PTPRM: variants seen among roughly 807,000 people sequenced by gnomAD.
PTPRM encodes receptor-type tyrosine-protein phosphatase mu.
A neutral mutation model predicts 186.7 loss-of-function variants in PTPRM; 47 were observed. The ratio of observed to expected loss-of-function variants is 0.25; its 90% CI spans 0.20 to 0.32. The LOEUF (loss-of-function observed/expected upper bound fraction) is 0.32. Among genes scored for constraint, PTPRM ranks in the 10% least tolerant of loss-of-function variants. The pLI is 1.00. For missense variants in PTPRM, 1,494 were observed against 1,865.0 expected (o/e 0.80, Z 3.66); for synonymous variants, 668 against 674.9 (o/e 0.99, Z 0.16).
intron 2 of PTPRM, among the ~76,000 whole-genome samples, chr18:7,802,553 C>A (rs1212561386): frequency 6.6e-6 from 1 of 152,038 alleles, no homozygotes; most frequent in African/African-American, 2.4e-5. Flanking sequence ...TTTATTTCTG[C>A]CCTGTTTTCT....
chr18:8,278,925 G>A (rs1375391949), intron 19 of PTPRM, among the ~76,000 whole-genome samples: 1 of 152,044 alleles, frequency 6.6e-6, no homozygotes, highest in Non-Finnish European at 1.5e-5. Context: ...CTGCCTCTTT[G>A]AAAGCATGTC....
At chr18:7,579,026 T>C (rs2036774126) in intron 1 of PTPRM, among the ~76,000 whole-genome samples, 1 of 152,140 alleles carries the variant, frequency 6.6e-6, no homozygotes, top group African/African-American at 2.4e-5. Flanking sequence ...AAGGCTTTGA[T>C]AGTTGTGGTG....
intron 26 of PTPRM, 60 bp from the exon 27 acceptor site, chr18:8,378,204 AC>A: frequency 1.3e-6 from 2 of 1,492,186 alleles, no homozygotes; most frequent in Non-Finnish European, 1.8e-6. Context: ...TAAAATTGAT[AC>A]CGTCTTTCCT....
At chr18:7,695,788 T>C (rs2039830613) in intron 1 of PTPRM, among the ~76,000 whole-genome samples, 12 of 152,202 alleles carry the variant, frequency 7.9e-5, no homozygotes, top group Admixed American at 7.8e-4. Context: ...ATGGCCACCC[T>C]CCTGTCAAAA....
At position 7,977,043 on chromosome 18, in the gene PTPRM, C is replaced by T. The variant is rs115734169; in HGVS notation, c.1132+21629C>T. Among the ~76,000 whole-genome samples the T allele has an allele frequency of 8.8e-3, 1,331 of 151,780 alleles. 20 individuals are homozygous for T. Among genetic ancestry groups the T allele is most frequent in the African/African-American group, 0.031 (1,278 of 41,366 alleles). On this transcript the variant is annotated intron_variant, in intron 7 of 32. Transcript: ENST00000580170. ...TCCTCATATTTAGCATGGATCTCAC[C>T]TTAGCTCCAGTTATAATGAAATAAA...
At chr18:7,700,274 C>T (rs1445424889) in intron 1 of PTPRM, among the ~76,000 whole-genome samples, 1 of 151,842 alleles carries the variant, frequency 6.6e-6, no homozygotes, top group Admixed American at 6.5e-5. Context: ...AGACTGAATC[C>T]ACCTAGGTGA....
intron 3 of PTPRM, among the ~76,000 whole-genome samples, chr18:7,896,870 A>G (rs1013662488): frequency 2.6e-5 from 4 of 152,176 alleles, no homozygotes; most frequent in African/African-American, 7.2e-5. Context: ...GATCTTACCT[A>G]TCTTTTCACA....
intron 19 of PTPRM, among the ~76,000 whole-genome samples, chr18:8,293,375 G>T (rs750119762): frequency 5.9e-5 from 9 of 152,200 alleles, no homozygotes; most frequent in African/African-American, 1.7e-4. Flanking sequence ...CCACAAGGGA[G>T]CCTCTGTGTG....
intron 19 of PTPRM, chr18:8,270,167 T>G (rs1489117850): frequency 1.3e-5 from 2 of 151,868 alleles, no homozygotes; most frequent in Non-Finnish European, 2.9e-5. Flanking sequence ...AGAGCATATA[T>G]TTGAAGACCG....
At chr18:8,029,277 A>G (rs1303978079) in intron 7 of PTPRM, among the ~76,000 whole-genome samples, 6 of 130,120 alleles carry the variant, frequency 4.6e-5, no homozygotes, top group Admixed American at 2.5e-4. Context: ...TCCTGTCTGG[A>G]GTGCCTCCCC....
chr18:7,697,183 A>T (rs1270179269), intron 1 of PTPRM, among the ~76,000 whole-genome samples: 3 of 152,228 alleles, frequency 2.0e-5, no homozygotes, highest in Non-Finnish European at 4.4e-5. Context: ...GCAAAGGATC[A>T]CTACTAACAC....
intron 7 of PTPRM, among the ~76,000 whole-genome samples, chr18:7,989,605 A>G (rs1167176421): frequency 1.3e-5 from 2 of 152,166 alleles, no homozygotes; most frequent in African/African-American, 4.8e-5. Context: ...TCATCCTGCT[A>G]GATAACCTCC....
intron 14 of PTPRM, among the ~76,000 whole-genome samples, chr18:8,188,161 A>G (rs746489363): frequency 1.6e-4 from 24 of 152,212 alleles, no homozygotes; most frequent in Admixed American, 6.5e-5. Context: ...GTAGTATCTC[A>G]CTTTTAAAAG....
chr18:8,343,306 A>G, intron 22 of PTPRM, 117 bp from the exon 23 acceptor site: 1 of 717,016 alleles, frequency 1.4e-6, no homozygotes, highest in East Asian at 2.7e-5. Context: ...ACCTGTGTCC[A>G]TCTGTACAAG....
intron 2 of PTPRM, among the ~76,000 whole-genome samples, chr18:7,876,859 A>C (rs998983941): frequency 2.0e-5 from 3 of 152,228 alleles, no homozygotes; most frequent in African/African-American, 7.2e-5. Flanking sequence ...GCTTAAGAGC[A>C]CAAAGTCCAG....
chr18:8,333,505 C>A (rs573128424), intron 22 of PTPRM, among the ~76,000 whole-genome samples: 6 of 152,316 alleles, frequency 3.9e-5, no homozygotes, highest in African/African-American at 1.4e-4. Flanking sequence ...TGAAAAATCA[C>A]ATAAAGCTTT....
intron 1 of PTPRM, among the ~76,000 whole-genome samples, chr18:7,612,942 T>C (rs554578504): frequency 1.4e-4 from 21 of 152,306 alleles, no homozygotes; most frequent in Admixed American, 1.0e-3. Flanking sequence ...CCAGCTCCTA[T>C]TCTGCTTCCA....
intron 5 of PTPRM, among the ~76,000 whole-genome samples, chr18:7,936,124 G>C (rs371691073): frequency 6.6e-6 from 1 of 152,206 alleles, no homozygotes; most frequent in East Asian, 1.9e-4. Context: ...CTGGGAACAG[G>C]TAGAAGCCCC....
chr18:7,760,396 C>T (rs1053330437), intron 1 of PTPRM, among the ~76,000 whole-genome samples: 5 of 152,010 alleles, frequency 3.3e-5, no homozygotes, highest in African/African-American at 1.2e-4. Context: ...TTTTTTGTGG[C>T]CTAGTCTTTC....
Sources: gnomAD v4.1 joint callset for allele counts (sites outside exome capture counted in the v4.1 genomes callset) on GRCh38, gnomAD v4.1.1 for gene constraint, MANE v1.5 for transcripts, NCBI Gene and HGNC (gene_info 2026-07-23, HGNC 2026-07-21) for gene names.